The following GRIN2C variants were observed in gnomAD, a reference collection of about 807,000 sequenced individuals.
The protein encoded by GRIN2C is glutamate ionotropic receptor NMDA type subunit 2C.
In GRIN2C, 64 loss-of-function variants were observed where a neutral mutation model predicts 77.7. That is an observed-to-expected ratio of 0.82 (90% CI 0.67 to 1.01). The LOEUF (loss-of-function observed/expected upper bound fraction) is 1.01, where lower values mean the gene tolerates loss of function less well. Ranked by LOEUF, GRIN2C falls within the 50% of genes least tolerant of loss-of-function variation. The pLI is 0.00. For synonymous variants in GRIN2C, 792 were observed against 643.4 expected, an observed-to-expected ratio of 1.23 and a Z score of -3.49; for missense variants, 1,549 against 1,486.0, an observed-to-expected ratio of 1.04 and a Z score of -0.70.
rs1479417996 is a variant in GRIN2C, at chr17:74,847,706, G to A, written c.1771+146C>T. The stretch of plus-strand genomic sequence containing the variant: ...TGAGCTCACGTGTGTGTTTCTGTGT[G>A]TGTGTGTCATCTGACTGGCCCCCAG... On this transcript the variant is annotated intron_variant, in intron 8 of 12. Transcript: ENST00000293190. The surrounding 1 kb of genome is among the most constrained non-coding windows in gnomAD (Gnocchi z 5.2). The A allele has an allele frequency of 3.5e-6, 3 of 853,680 alleles. No homozygotes were observed. In the East Asian group the frequency reaches 7.9e-5, roughly 23 times the overall value. The allele number at this position is 853,680 out of a possible 1,614,324, so 52.9% of individuals were successfully genotyped here.
In GRIN2C at chr17:74,847,817, G is replaced by T; in HGVS notation, c.1771+35C>A. The T allele has an allele frequency of 6.2e-7, 1 of 1,612,576 alleles. No individual in the cohort carries two copies. Among genetic ancestry groups the T allele is most frequent in the South Asian group, 1.1e-5 (1 of 90,996 alleles). On this transcript the variant is annotated intron_variant, in intron 8 of 12. Coordinates refer to ENST00000293190, the MANE Select transcript of GRIN2C (RefSeq NM_000835.6). This position sits in a 1 kb window ranked among gnomAD's most constrained non-coding sequence, Gnocchi z 5.2. ...TGAGCCCAGCCCTCAGGGTGCCCAGGCCCACCCCTCCTGCCGGGCCCAGGC... is the reference window on the plus strand; with the variant it reads ...TGAGCCCAGCCCTCAGGGTGCCCAGTCCCACCCCTCCTGCCGGGCCCAGGC...
At chr17:74,856,275 G>A (rs1205105285) in intron 1 of GRIN2C, among the ~76,000 whole-genome samples, 1 of 152,134 alleles carries the variant, frequency 6.6e-6, no homozygotes, top group African/African-American at 2.4e-5. Context: ...GGTGGACAGG[G>A]TGAGCCTGCC....
At chr17:74,843,886 TTTTTAGAA>T in intron 12 of GRIN2C, 1 of 475,718 alleles carries the variant, frequency 2.1e-6, no homozygotes, top group South Asian at 3.0e-5. Context: ...TTTTTTTTTT[TTTTTAGAA>T]ACAGGATCTC....
rs1368458071 is a variant in GRIN2C at position 74,843,677 on chromosome 17, G to A, written c.2584-124C>T. On this transcript the variant is annotated intron_variant, in intron 12 of 12. Transcript: ENST00000293190. ...TAAGTCTCAGGAAGTAGCTAACTGT[G>A]AAGCATCTCCCATGCGCCAGGCACT... is the stretch of plus-strand genomic sequence containing the variant. 11 of 1,291,780 alleles carry A rather than the reference G, an allele frequency of 8.5e-6. No individual in the cohort carries two copies. The East Asian group carries it at 2.6e-4, about 30-fold the overall frequency. The allele number at this position is 1,291,780 out of a possible 1,614,324, so 80.0% of individuals were successfully genotyped here.
At chr17:74,851,147 T>A (rs777552329) in intron 4 of GRIN2C, 4 of 321,240 alleles carry the variant, frequency 1.2e-5, no homozygotes, top group Non-Finnish European at 2.3e-5. Flanking sequence ...AGCTCAAATA[T>A]CCCATCTTCT....
chr17:74,847,338 G>A lies in GRIN2C; in HGVS notation c.1971C>T (p.Ile657=), dbSNP rs542930671. The stretch of plus-strand genomic sequence containing the variant: ...TGTCACTGAGGCCCGACACAGTGTC[G>A]ATGTATTGCTCTTGGATCATGAAGG... ...LAAFMIQEQY[I]DTVSGLSDKK... The change falls in exon 9 of 13, where the codon ATC becomes ATT. Residue 657 remains isoleucine (I), a synonymous_variant. Coordinates refer to ENST00000293190, the MANE Select transcript of GRIN2C (RefSeq NM_000835.6). The surrounding 1 kb of genome is among the most constrained non-coding windows in gnomAD (Gnocchi z 5.2). 1.9e-5 allele frequency: 30 copies of A among 1,608,814 alleles called. No individual in the cohort carries two copies. The East Asian group carries it at 5.0e-4, about 27-fold the overall frequency.
At position 74,852,603 on chromosome 17, in the gene GRIN2C, G is replaced by T. The variant is rs772217924; in HGVS notation, c.408C>A (p.Gly136=). 1.2e-5 allele frequency: 16 copies of T among 1,318,434 alleles called. No homozygotes were observed. In the Admixed American group the frequency reaches 5.7e-4, roughly 47 times the overall value. The allele number at this position is 1,318,434 out of a possible 1,614,324, so 81.7% of individuals were successfully genotyped here. Reference sequence around the variant, plus strand: ...ACACGCCCAGCTGCAGGAAGGCGGAGCCCGGCTCCTGGGGGCGGGCGGGGC... The same window carrying T: ...ACACGCCCAGCTGCAGGAAGGCGGATCCCGGCTCCTGGGGGCGGGCGGGGC... ...SAVVLTPKEP[G]SAFLQLGVSL... The change falls in exon 3 of 13, where the codon GGC becomes GGA. Residue 136 remains glycine, a synonymous_variant. Coordinates refer to ENST00000293190, the MANE Select transcript of GRIN2C (RefSeq NM_000835.6).
At chr17:74,858,683 C>G (rs530484922) in intron 1 of GRIN2C, among the ~76,000 whole-genome samples, 1 of 149,376 alleles carries the variant, frequency 6.7e-6, no homozygotes, top group South Asian at 2.2e-4. Flanking sequence ...CCTCCTCACA[C>G]AGGACAGCTA....
Position 74,847,382 on chromosome 17 carries a change from A to C in GRIN2C, c.1927T>G (p.Tyr643Asp). The C allele has an allele frequency of 6.2e-7, 1 of 1,611,840 alleles. No homozygotes were observed. The highest frequency in any genetic ancestry group is 8.5e-7 in the Non-Finnish European group (1 of 1,179,138). ...ATGAAGGCGGCCAGGTTGGCCGTGT[A>C]GCTGGCGAGGAAGATGACAGCAAAG... ...AFFAVIFLAS[Y>D]TANLAAFMIQ... Residue 643 changes from tyrosine to aspartate, a missense_variant, in exon 9 of 13, where the codon TAC (tyrosine) becomes GAC (aspartate). By Grantham distance (160) the Tyr-to-Asp change is radical (BLOSUM62 -3). Coordinates refer to ENST00000293190, the MANE Select transcript of GRIN2C (RefSeq NM_000835.6). The surrounding 1 kb of genome is among the most constrained non-coding windows in gnomAD (Gnocchi z 5.2).
chr17:74,846,382 A>G lies in GRIN2C; in HGVS notation c.2163-129T>C. On this transcript the variant is annotated intron_variant, in intron 10 of 12. Transcript: ENST00000293190. The surrounding 1 kb of genome is among the most constrained non-coding windows in gnomAD (Gnocchi z 4.4). ...CCCCGGGAGGGACCAATGGGCAGAG[A>G]CTTGTCTGGTTCTCTTGGGTCCTGG... 1.3e-6 allele frequency: 1 copy of G among 742,554 alleles called. No homozygotes were observed. Among genetic ancestry groups the G allele is most frequent in the Non-Finnish European group, 2.2e-6 (1 of 445,694 alleles). The allele number at this position is 742,554 out of a possible 1,614,324, so 46.0% of individuals were successfully genotyped here.
chr17:74,847,858 C>T lies in GRIN2C; in HGVS notation c.1765G>A (p.Gly589Ser), dbSNP rs1177427570. 3.1e-6 allele frequency: 5 copies of T among 1,614,056 alleles called. No individual in the cohort carries two copies. Among genetic ancestry groups the T allele is most frequent in the Non-Finnish European group, 2.5e-6 (3 of 1,179,976 alleles). Residue 589 changes from glycine (G) to serine (S), a missense_variant, in exon 8 of 13, where the codon GGC becomes AGC. This residue lies in a region of GRIN2C where 717 missense variants were observed against 858.1 expected (regional missense o/e 0.84). Coordinates refer to ENST00000293190, the MANE Select transcript of GRIN2C (RefSeq NM_000835.6). The surrounding 1 kb of genome is among the most constrained non-coding windows in gnomAD (Gnocchi z 5.2). ...GGGCCCAGGCAAGGCTTACTCTTGC[C>T]TCTGGTGAGGTTCTGGTTGTAGCTG... ...PVSYNQNLTR[G>S]KKSGGPAFTI... is the part of the protein sequence containing the mutation.
rs2037891333 is a variant in GRIN2C at position 74,859,094 on chromosome 17, A to G, written c.-16+650T>C. On this transcript the variant is annotated intron_variant, in intron 1 of 12. Coordinates refer to ENST00000293190, the MANE Select transcript of GRIN2C (RefSeq NM_000835.6). This position sits in a 1 kb window ranked among gnomAD's most constrained non-coding sequence, Gnocchi z 5.9. The stretch of plus-strand genomic sequence containing the variant: ...TCTGCCCTGCGGCAGGTGTGTGTGC[A>G]CTCATTAACACCCTGCCCCACACTG... Among the ~76,000 whole-genome samples, 1 of 151,808 alleles carries G rather than the reference A, an allele frequency of 6.6e-6. No homozygotes were observed. The highest frequency in any genetic ancestry group is 1.5e-5 in the Non-Finnish European group (1 of 67,936).
In GRIN2C at chr17:74,849,393, C is replaced by T. The variant is rs1056665141; in HGVS notation, c.1645+387G>A. On this transcript the variant is annotated intron_variant, in intron 7 of 12. Transcript: ENST00000293190. This position sits in a 1 kb window ranked among gnomAD's most constrained non-coding sequence, Gnocchi z 4.6. Reference sequence around the variant, plus strand: ...ACCTGGCTGCCCAACCAATGCCGGACTCCTCACCCAGGAAGCAACACACCT... The same window carrying T: ...ACCTGGCTGCCCAACCAATGCCGGATTCCTCACCCAGGAAGCAACACACCT... 6.6e-6 allele frequency among the ~76,000 whole-genome samples: 1 copy of T among 152,216 alleles called. No individual in the cohort carries two copies. Among genetic ancestry groups the T allele is most frequent in the Non-Finnish European group, 1.5e-5 (1 of 68,030 alleles).
At position 74,843,452 on chromosome 17, in the gene GRIN2C, C is replaced by A; in HGVS notation, c.2685G>T (p.Lys895Asn). The A allele has an allele frequency of 6.5e-7, 1 of 1,535,360 alleles. No individual in the cohort carries two copies. Among genetic ancestry groups the A allele is most frequent in the Non-Finnish European group, 8.7e-7 (1 of 1,146,330 alleles). The part of the protein sequence containing the change: ...TASSAQASVL[K>N]MLQAARDMVT... Reference sequence around the variant, plus strand: ...CCATGTCGCGGGCTGCCTGCAGCATCTTGAGCACGCTGGCCTGGGCCGAGC... The same window carrying A: ...CCATGTCGCGGGCTGCCTGCAGCATATTGAGCACGCTGGCCTGGGCCGAGC... Residue 895 changes from lysine (K) to asparagine (N), a missense_variant, in exon 13 of 13, where the codon AAG (lysine) becomes AAT (asparagine). Around this residue, in one of 3 missense-constraint regions of GRIN2C, gnomAD observed 450 missense variants for 267.9 expected, o/e 1.68. Coordinates refer to ENST00000293190, the MANE Select transcript of GRIN2C (RefSeq NM_000835.6).
intron 1 of GRIN2C, among the ~76,000 whole-genome samples, chr17:74,857,784 C>A (rs2037855525): frequency 3.3e-5 from 5 of 152,156 alleles, no homozygotes; most frequent in Admixed American, 2.6e-4. Flanking sequence ...CATCTCTCAC[C>A]CAAACGGAGT....
chr17:74,850,810 A>G lies in GRIN2C; in HGVS notation c.1114-43T>C, dbSNP rs2037619031. 1.3e-6 allele frequency: 2 copies of G among 1,508,998 alleles called. No individual in the cohort carries two copies. Among genetic ancestry groups the G allele is most frequent in the South Asian group, 2.3e-5 (2 of 86,628 alleles). The allele number at this position is 1,508,998 out of a possible 1,614,324, so 93.5% of individuals were successfully genotyped here. ...CTCAGCCTGGGGCCTCCAGCCCTAC[A>G]GCCCCCACCCTCTAGGTGGAGCCTG... On this transcript the variant is annotated intron_variant, in intron 4 of 12. Coordinates refer to ENST00000293190, the MANE Select transcript of GRIN2C (RefSeq NM_000835.6). The surrounding 1 kb of genome is among the most constrained non-coding windows in gnomAD (Gnocchi z 5.3).
rs1239370949 is a variant in GRIN2C, at chr17:74,849,791, G to A, written c.1634C>T (p.Ser545Leu). 3.1e-6 allele frequency: 5 copies of A among 1,612,160 alleles called. No individual in the cohort carries two copies. The highest frequency in any genetic ancestry group is 1.3e-5 in the African/African-American group (1 of 74,782). Residue 545 changes from serine (S) to leucine (L), a missense_variant, in exon 7 of 13, where the codon TCG (serine) becomes TTG (leucine). Transcript: ENST00000293190. This position sits in a 1 kb window ranked among gnomAD's most constrained non-coding sequence, Gnocchi z 4.6. ...ACCCTGGGCCTCACCCAAGAAGGCC[G>A]AGGGGGAGACGGTGCCATTGCTGCG... ...VARSNGTVSP[S>L]AFLEPYSPAV...
rs371262679 is a variant in GRIN2C, at chr17:74,847,756, C to A, written c.1771+96G>T. ...GCATGTGCCATCCAAAAGCAAGGGACCTCCCAAAGGTATTCTCTGAAGGAC... is the reference window on the plus strand; with the variant it reads ...GCATGTGCCATCCAAAAGCAAGGGAACTCCCAAAGGTATTCTCTGAAGGAC... On this transcript the variant is annotated intron_variant, in intron 8 of 12. Coordinates refer to ENST00000293190, the MANE Select transcript of GRIN2C (RefSeq NM_000835.6). The surrounding 1 kb of genome is among the most constrained non-coding windows in gnomAD (Gnocchi z 5.2). 18 of 1,307,988 alleles carry A rather than the reference C, an allele frequency of 1.4e-5. No individual in the cohort carries two copies. In the African/African-American group the frequency reaches 2.0e-4, roughly 15 times the overall value. The allele number at this position is 1,307,988 out of a possible 1,614,324, so 81.0% of individuals were successfully genotyped here.
rs2037601757 is a variant in GRIN2C, at chr17:74,850,408, A to G, written c.1326-37T>C. 4 of 1,601,806 alleles carry G rather than the reference A, an allele frequency of 2.5e-6. No individual in the cohort carries two copies. The highest frequency in any genetic ancestry group is 1.7e-6 in the Non-Finnish European group (2 of 1,177,942). On this transcript the variant is annotated intron_variant, in intron 5 of 12. Transcript: ENST00000293190. The surrounding 1 kb of genome is among the most constrained non-coding windows in gnomAD (Gnocchi z 5.3). ...CCGCCATGAGACCACCGGGAGTCAGAGTATGTCGTGGCCCAGCCCCGCCCC... is the reference window on the plus strand; with the variant it reads ...CCGCCATGAGACCACCGGGAGTCAGGGTATGTCGTGGCCCAGCCCCGCCCC...
Sources: gnomAD v4.1 joint callset for allele counts (sites outside exome capture counted in the v4.1 genomes callset) on GRCh38, gnomAD v4.1.1 for gene constraint, gnomAD v4.1.1 regional missense constraint, Gnocchi (gnomAD v3.1) non-coding constraint, MANE v1.5 for transcripts, NCBI Gene and HGNC (gene_info 2026-07-23, HGNC 2026-07-21) for gene names.